MAPK10: variants seen among roughly 807,000 people sequenced by gnomAD.
MAPK10 encodes the protein mitogen-activated protein kinase 10, also known as JNK3 alpha protein kinase.
MAPK10 carries 25 observed loss-of-function variants against 59.3 expected under a neutral mutation model. The observed-to-expected ratio is 0.42, with a 90% CI of 0.31 to 0.59. The LOEUF (loss-of-function observed/expected upper bound fraction) is 0.59. Among genes scored for constraint, MAPK10 ranks in the 20% least tolerant of loss-of-function variants. The pLI is 0.15. For missense variants in MAPK10, 351 were observed against 568.9 expected (o/e 0.62, Z 3.90); for synonymous variants, 190 against 200.5 (o/e 0.95, Z 0.44).
At chr4:86,237,068 C>T (rs1274374261) in intron 2 of MAPK10, among the ~76,000 whole-genome samples, 1 of 152,046 alleles carries the variant, frequency 6.6e-6, no homozygotes, top group Non-Finnish European at 1.5e-5. Context: ...TCAGCTCCCA[C>T]TTATGAGTGA....
chr4:86,184,650 C>T (rs183188537), intron 3 of MAPK10, among the ~76,000 whole-genome samples: 90 of 152,180 alleles, frequency 5.9e-4, no homozygotes, highest in African/African-American at 2.0e-3. Context: ...TGAGTGAGTT[C>T]TTATGAGATC....
chr4:86,406,074 G>A (rs1263353504), intron 1 of MAPK10, among the ~76,000 whole-genome samples: 1 of 152,148 alleles, frequency 6.6e-6, no homozygotes, highest in African/African-American at 2.4e-5. Flanking sequence ...ACCCATGAGT[G>A]CTAGACCTTT....
At chr4:86,342,081 A>G (rs987590718) in intron 2 of MAPK10, among the ~76,000 whole-genome samples, 3 of 152,184 alleles carry the variant, frequency 2.0e-5, no homozygotes, top group Admixed American at 1.3e-4. Context: ...TGAAGAAAAC[A>G]GCCAAAATTG....
rs1741367720 is a variant in MAPK10, at chr4:86,010,751, T to C, written c.*6477A>G. On this transcript the variant is annotated 3_prime_UTR_variant, in exon 14 of 14. Transcript: ENST00000641462. Reference sequence around the variant, plus strand: ...TGGTATAATTGTTCATAGGCAATATTTTCACCAGGATGGGTTCACAAGTGT... The same window carrying C: ...TGGTATAATTGTTCATAGGCAATATCTTCACCAGGATGGGTTCACAAGTGT... 1 of 152,236 alleles carries C rather than the reference T, an allele frequency of 6.6e-6. No homozygotes were observed. The highest frequency in any genetic ancestry group is 2.1e-4 in the South Asian group (1 of 4,834). The allele number at this position is 152,236 out of a possible 1,614,324, so 9.4% of individuals were successfully genotyped here.
chr4:86,581,335 AT>A, intron 1 of MAPK10, among the ~76,000 whole-genome samples: 1 of 152,228 alleles, frequency 6.6e-6, no homozygotes, highest in South Asian at 2.1e-4. Context: ...TTCAACACAT[AT>A]AAAATAATAA....
chr4:86,044,819 C>T, intron 11 of MAPK10: 1 of 397,276 alleles, frequency 2.5e-6, no homozygotes, highest in East Asian at 3.6e-5. Flanking sequence ...AGATGAGTGA[C>T]CTTGAGCAAG....
intron 1 of MAPK10, among the ~76,000 whole-genome samples, chr4:86,581,919 ATATATATAT>A (rs1189343391): frequency 8.8e-6 from 1 of 114,122 alleles, no homozygotes; most frequent in African/African-American, 3.2e-5. Flanking sequence ...ATATATATAT[ATATATATAT>A]ATATATATAT....
chr4:86,292,973 A>G (rs556485736), intron 2 of MAPK10, among the ~76,000 whole-genome samples: 19 of 152,306 alleles, frequency 1.2e-4, no homozygotes, highest in Admixed American at 5.2e-4. Context: ...AGTCACCATA[A>G]GATGTTTTGT....
intron 9 of MAPK10, among the ~76,000 whole-genome samples, chr4:86,076,658 C>G (rs1334080506): frequency 6.6e-6 from 1 of 152,060 alleles, no homozygotes; most frequent in African/African-American, 2.4e-5. Flanking sequence ...CAACATATTC[C>G]TGTAAAACAA....
chr4:86,369,669 T>C (rs1738456356), intron 1 of MAPK10, among the ~76,000 whole-genome samples: 1 of 152,204 alleles, frequency 6.6e-6, no homozygotes, highest in Non-Finnish European at 1.5e-5. Context: ...CAATGCTACA[T>C]TTGACAAGGA....
At chr4:86,149,185 G>C (rs2065761411) in intron 4 of MAPK10, among the ~76,000 whole-genome samples, 1 of 152,094 alleles carries the variant, frequency 6.6e-6, no homozygotes, top group Non-Finnish European at 1.5e-5. Flanking sequence ...TTGAAAATTA[G>C]TACCTGTCTT....
At position 86,402,885 on chromosome 4, in the gene MAPK10, G is replaced by A. The variant is rs113144970; in HGVS notation, c.-121-48241C>T. Among the ~76,000 whole-genome samples the A allele has an allele frequency of 1.0e-2, 1,515 of 152,232 alleles. 19 individuals carry two copies. Among genetic ancestry groups the A allele is most frequent in the African/African-American group, 0.035 (1,437 of 41,532 alleles). Reference sequence around the variant, plus strand: ...GCAGCCCACGGAAAGCATGGCCTGGGCTCAAATGCAACATTGGATTTCAGA... The same window carrying A: ...GCAGCCCACGGAAAGCATGGCCTGGACTCAAATGCAACATTGGATTTCAGA... On this transcript the variant is annotated intron_variant, in intron 1 of 13. Coordinates refer to the MAPK10 transcript ENST00000361569.
At chr4:86,105,488 A>G (rs2149080976) in intron 5 of MAPK10, among the ~76,000 whole-genome samples, 1 of 152,274 alleles carries the variant, frequency 6.6e-6, no homozygotes, top group Non-Finnish European at 1.5e-5. Flanking sequence ...CTGACCAAGT[A>G]AGTGAGCATT....
intron 4 of MAPK10, among the ~76,000 whole-genome samples, chr4:86,137,747 C>G (rs2062571593): frequency 7.4e-6 from 1 of 135,996 alleles, no homozygotes; most frequent in African/African-American, 3.1e-5. Flanking sequence ...AATCCAGGAG[C>G]TGGTTTTTTG....
chr4:86,458,324 G>T (rs564867572), intron 1 of MAPK10, among the ~76,000 whole-genome samples: 2 of 150,898 alleles, frequency 1.3e-5, no homozygotes, highest in African/African-American at 4.9e-5. Context: ...CTAGCCGGGC[G>T]TGGTGGCACA....
chr4:86,337,478 G>A (rs923667377), intron 2 of MAPK10, among the ~76,000 whole-genome samples: 7 of 152,090 alleles, frequency 4.6e-5, no homozygotes, highest in Admixed American at 6.5e-5. Flanking sequence ...TTGGAGAATC[G>A]TAAAGGAGAA....
At chr4:86,288,793 GT>G (rs2148816589) in intron 2 of MAPK10, among the ~76,000 whole-genome samples, 1 of 152,158 alleles carries the variant, frequency 6.6e-6, no homozygotes, top group East Asian at 1.9e-4. Flanking sequence ...GCTATGATAG[GT>G]TTTTAAATAG....
chr4:86,172,466 T>C (rs1249274041), intron 3 of MAPK10, among the ~76,000 whole-genome samples: 4 of 150,738 alleles, frequency 2.7e-5, no homozygotes, highest in Non-Finnish European at 5.9e-5. Context: ...CAGTAAACTA[T>C]TGCGAGGACA....
intron 1 of MAPK10, among the ~76,000 whole-genome samples, chr4:86,372,173 A>C (rs549871622): frequency 1.7e-4 from 26 of 152,328 alleles, no homozygotes; most frequent in African/African-American, 6.0e-4. Context: ...TGGAAATCAT[A>C]ACAAACAGTC....
Sources: gnomAD v4.1 joint callset for allele counts (sites outside exome capture counted in the v4.1 genomes callset) on GRCh38, gnomAD v4.1.1 for gene constraint, MANE v1.5 for transcripts, NCBI Gene and HGNC (gene_info 2026-07-23, HGNC 2026-07-21) for gene names.